The following SH3RF2 variants were observed in gnomAD, a reference collection of about 807,000 sequenced individuals.
SH3RF2 encodes E3 ubiquitin-protein ligase SH3RF2.
SH3RF2 carries 43 observed loss-of-function variants against 59.0 expected under a neutral mutation model. The observed-to-expected ratio is 0.73, with a 90% CI of 0.57 to 0.94. The LOEUF (loss-of-function observed/expected upper bound fraction) is 0.94, where lower values mean the gene tolerates loss of function less well. Among genes scored for constraint, SH3RF2 ranks in the 40% least tolerant of loss-of-function variants. The pLI, the probability that SH3RF2 is intolerant of heterozygous loss-of-function variation, is 0.00. For missense variants in SH3RF2, 930 were observed against 940.1 expected (o/e 0.99, Z 0.14); for synonymous variants, 391 against 391.5 (o/e 1.00, Z 0.01).
Position 146,049,202 on chromosome 5 carries a change from C to T in SH3RF2, c.1279C>T (p.Arg427Ter), listed in dbSNP as rs374624666. Residue 427 changes from arginine (R) to a stop codon, truncating the protein, a stop_gained, in exon 7 of 10, where the codon CGA becomes TGA. Transcript: ENST00000359120. LOFTEE classifies it high-confidence loss of function. ...WLRGVSLVTG[R>*]VGIFPNNYVI... Reference sequence around the variant, plus strand: ...CAGGGGCGTCTCCTTGGTCACCGGGCGAGTCGGCATCTTCCCAAACAATTA... The same window carrying T: ...CAGGGGCGTCTCCTTGGTCACCGGGTGAGTCGGCATCTTCCCAAACAATTA... 1.4e-5 allele frequency: 23 copies of T among 1,613,658 alleles called. No individual in the cohort carries two copies. The highest frequency in any genetic ancestry group is 3.3e-4 in the Middle Eastern group (2 of 6,084).
At chr5:145,976,351 C>G (rs767784463) in intron 2 of SH3RF2, among the ~76,000 whole-genome samples, 9 of 151,342 alleles carry the variant, frequency 5.9e-5, no homozygotes, top group Non-Finnish European at 1.0e-4. Flanking sequence ...GATACTGTAT[C>G]TAAATGCACT....
chr5:145,938,277 G>T lies in SH3RF2; in HGVS notation c.349G>T (p.Val117Leu), dbSNP rs766108914. The T allele has an allele frequency of 5.1e-6, 8 of 1,578,174 alleles. No individual in the cohort carries two copies. The highest frequency in any genetic ancestry group is 6.9e-6 in the Non-Finnish European group (8 of 1,167,132). ...RRLQASPFRL[V>L]PNVRIHMDGV... is the part of the protein sequence containing the mutation. Reference sequence around the variant, plus strand: ...TCTGCAGGCCAGTCCTTTCCGGCTAGTGCCTAATGTCAGAATCCACATGGA... The same window carrying T: ...TCTGCAGGCCAGTCCTTTCCGGCTATTGCCTAATGTCAGAATCCACATGGA... Residue 117 changes from valine (V) to leucine (L), a missense_variant, in exon 2 of 10, where the codon GTG (valine) becomes TTG (leucine). Coordinates refer to ENST00000359120, the MANE Select transcript of SH3RF2 (RefSeq NM_152550.4).
intron 2 of SH3RF2, among the ~76,000 whole-genome samples, chr5:145,956,023 T>G (rs1758393476): frequency 6.6e-6 from 1 of 152,140 alleles, no homozygotes; most frequent in East Asian, 1.9e-4. Flanking sequence ...GAAGCATGCA[T>G]GGAATAGACC....
intron 2 of SH3RF2, among the ~76,000 whole-genome samples, chr5:145,971,922 G>T (rs1033094386): frequency 3.9e-5 from 6 of 152,052 alleles, no homozygotes; most frequent in African/African-American, 1.5e-4. Flanking sequence ...CTAACAATTT[G>T]TAAGCATTTA....
chr5:146,050,977 G>A (rs1455704025), intron 7 of SH3RF2, among the ~76,000 whole-genome samples: 5 of 152,214 alleles, frequency 3.3e-5, no homozygotes, highest in Non-Finnish European at 2.9e-5. Flanking sequence ...GCTCATGCCT[G>A]TAATCCTAAC....
intron 2 of SH3RF2, among the ~76,000 whole-genome samples, chr5:145,992,182 A>C (rs1412753749): frequency 6.6e-6 from 1 of 152,124 alleles, no homozygotes; most frequent in East Asian, 1.9e-4. Context: ...GACCAGCCTG[A>C]ACAACATGGT....
At chr5:145,978,695 A>AG (rs1561720628) in intron 2 of SH3RF2, among the ~76,000 whole-genome samples, 1 of 151,938 alleles carries the variant, frequency 6.6e-6, no homozygotes, top group African/African-American at 2.4e-5. Context: ...GAAAAAAAAA[A>AG]AAAGAAAAAA....
chr5:145,963,840 T>G (rs1355312234), intron 2 of SH3RF2, among the ~76,000 whole-genome samples: 1 of 150,934 alleles, frequency 6.6e-6, no homozygotes, highest in African/African-American at 2.4e-5. Context: ...TTTTTTTTTT[T>G]TTTCTTTTTT....
At chr5:146,057,611 G>T (rs1170382264) in intron 8 of SH3RF2, among the ~76,000 whole-genome samples, 4 of 152,032 alleles carry the variant, frequency 2.6e-5, no homozygotes, top group African/African-American at 9.7e-5. Flanking sequence ...ATCATCTTTG[G>T]TCCATCCAGA....
chr5:146,071,278 A>G (rs1763233330), intron 9 of SH3RF2, among the ~76,000 whole-genome samples: 1 of 152,234 alleles, frequency 6.6e-6, no homozygotes, highest in African/African-American at 2.4e-5. Context: ...CTTCTCTCCA[A>G]TTCCATAAGA....
Position 146,062,769 on chromosome 5 carries a change from A to AG in SH3RF2, c.*71dup. ...ATTTAAATACAGTCTGCCTCCACTG[A>AG]GGGCATCCTGCCATTCTTTGGGGAC... On this transcript the variant is annotated 3_prime_UTR_variant, in exon 10 of 10. Coordinates refer to ENST00000359120, the MANE Select transcript of SH3RF2 (RefSeq NM_152550.4). 6.5e-7 allele frequency: 1 copy of AG among 1,540,876 alleles called. No individual in the cohort carries two copies. The highest frequency in any genetic ancestry group is 2.3e-5 in the East Asian group (1 of 44,162).
At chr5:145,960,641 G>A (rs938678491) in intron 2 of SH3RF2, among the ~76,000 whole-genome samples, 1 of 152,148 alleles carries the variant, frequency 6.6e-6, no homozygotes, top group African/African-American at 2.4e-5. Flanking sequence ...AAAAGGGGTA[G>A]GCTGACCTGC....
intron 5 of SH3RF2, among the ~76,000 whole-genome samples, chr5:146,024,395 C>A (rs1204509746): frequency 6.6e-6 from 1 of 152,088 alleles, no homozygotes. Context: ...TTTTTATATC[C>A]TTTGCCCATT....
intron 5 of SH3RF2, among the ~76,000 whole-genome samples, chr5:146,036,325 G>A (rs745730792): frequency 2.0e-5 from 3 of 152,202 alleles, no homozygotes; most frequent in Non-Finnish European, 2.9e-5. Context: ...GCTGAGGCAG[G>A]AGGATCGCTT....
chr5:145,955,420 G>A (rs1294776529), intron 2 of SH3RF2, among the ~76,000 whole-genome samples: 2 of 152,186 alleles, frequency 1.3e-5, no homozygotes, highest in Non-Finnish European at 2.9e-5. Flanking sequence ...AAGGAAAAGA[G>A]GGGGATAAGG....
intron 5 of SH3RF2, among the ~76,000 whole-genome samples, chr5:146,047,570 C>T (rs1258992729): frequency 6.6e-6 from 1 of 152,066 alleles, no homozygotes; most frequent in East Asian, 1.9e-4. Flanking sequence ...TGGCAAGCCA[C>T]CCCACCAGGC....
At chr5:145,976,857 A>G (rs1298791512) in intron 2 of SH3RF2, among the ~76,000 whole-genome samples, 6 of 152,246 alleles carry the variant, frequency 3.9e-5, no homozygotes, top group Non-Finnish European at 8.8e-5. Context: ...CTGTGTGGGC[A>G]AGTCCTGTTG....
At chr5:146,025,597 G>A (rs974569518) in intron 5 of SH3RF2, among the ~76,000 whole-genome samples, 1 of 152,148 alleles carries the variant, frequency 6.6e-6, no homozygotes, top group Non-Finnish European at 1.5e-5. Flanking sequence ...GAAGAGAAAA[G>A]GAACATAAAT....
At chr5:146,053,566 G>C (rs531871438) in intron 7 of SH3RF2, among the ~76,000 whole-genome samples, 33 of 152,238 alleles carry the variant, frequency 2.2e-4, no homozygotes, top group Non-Finnish European at 4.7e-4. Flanking sequence ...GGGAGGAAAA[G>C]ATGGGGGCAA....
Sources: gnomAD v4.1 joint callset for allele counts (sites outside exome capture counted in the v4.1 genomes callset) on GRCh38, gnomAD v4.1.1 for gene constraint, MANE v1.5 for transcripts, NCBI Gene and HGNC (gene_info 2026-07-23, HGNC 2026-07-21) for gene names.